The following SLC8A1 variants were observed in gnomAD, a reference collection of about 807,000 sequenced individuals.
SLC8A1 encodes the protein sodium/calcium exchanger 1.
Under a neutral mutation model 68.3 loss-of-function variants are expected in SLC8A1, and 18 were observed. The ratio of observed to expected loss-of-function variants is 0.26; its 90% CI spans 0.18 to 0.39. SLC8A1 has a LOEUF of 0.39. Ranked by LOEUF, SLC8A1 falls within the 10% of genes least tolerant of loss-of-function variation. SLC8A1 has a pLI of 1.00. For missense variants in SLC8A1, 985 were observed against 1,156.7 expected, an observed-to-expected ratio of 0.85 and a Z score of 2.15; for synonymous variants, 475 against 415.5, an observed-to-expected ratio of 1.14 and a Z score of -1.74.
At chr2:40,362,743 T>A (rs1277694060) in intron 2 of SLC8A1, among the ~76,000 whole-genome samples, 2 of 152,152 alleles carry the variant, frequency 1.3e-5, no homozygotes, top group Non-Finnish European at 1.5e-5. Context: ...TTCCTCAATT[T>A]ACATCATAGT....
intron 5 of SLC8A1, among the ~76,000 whole-genome samples, chr2:40,163,912 C>A (rs2046110656): frequency 1.3e-5 from 2 of 152,120 alleles, no homozygotes; most frequent in African/African-American, 2.4e-5. Flanking sequence ...TATGAGAAGT[C>A]CAGATAAAAT....
At chr2:40,346,623 T>G (rs1669404098) in intron 2 of SLC8A1, among the ~76,000 whole-genome samples, 1 of 152,116 alleles carries the variant, frequency 6.6e-6, no homozygotes, top group South Asian at 2.1e-4. Flanking sequence ...AAGTCTGGCC[T>G]TTCAAGTACA....
chr2:40,228,228 CATA>C (rs1281068760), intron 2 of SLC8A1, among the ~76,000 whole-genome samples: 1 of 152,170 alleles, frequency 6.6e-6, no homozygotes, highest in African/African-American at 2.4e-5. Context: ...ACATCATATA[CATA>C]ATATTTTTCC....
chr2:40,115,393 G>T (rs758237304), exon 8 of SLC8A1: 1 of 1,614,128 alleles, frequency 6.2e-7, no homozygotes, highest in Non-Finnish European at 8.5e-7. Context: ...GGCCTCCGCC[G>T]ATACAGCAGC....
intron 2 of SLC8A1, among the ~76,000 whole-genome samples, chr2:40,222,589 C>G (rs894501263): frequency 3.3e-5 from 5 of 152,036 alleles, no homozygotes; most frequent in Admixed American, 2.0e-4. Flanking sequence ...AACAGGCAAC[C>G]TAGAGAATGG....
intron 6 of SLC8A1, among the ~76,000 whole-genome samples, chr2:40,144,662 C>T (rs1429083563): frequency 1.3e-5 from 2 of 149,930 alleles, no homozygotes; most frequent in African/African-American, 4.9e-5. Flanking sequence ...TTGTTTATTT[C>T]TTTGGCAGAG....
intron 2 of SLC8A1, among the ~76,000 whole-genome samples, chr2:40,401,009 G>C (rs1016038643): frequency 2.6e-5 from 4 of 152,198 alleles, no homozygotes; most frequent in African/African-American, 9.6e-5. Flanking sequence ...TCTGTATCTT[G>C]TATTTGCATG....
chr2:40,272,378 C>T (rs1435362204), intron 2 of SLC8A1, among the ~76,000 whole-genome samples: 3 of 152,170 alleles, frequency 2.0e-5, no homozygotes, highest in Admixed American at 1.3e-4. Context: ...AAAGGTTCTA[C>T]CCACACTCCC....
rs149578637 is a variant in SLC8A1 at position 40,261,127 on chromosome 2, T to A, written c.1809-83272A>T. Among the ~76,000 whole-genome samples the A allele has an allele frequency of 6.6e-5, 10 of 152,294 alleles. No homozygotes were observed. In the East Asian group the frequency reaches 1.5e-3, roughly 24 times the overall value. ...TGAAAAATCCTGACTATGAGAATCT[T>A]CTGTAGTAGAAAGGCAGGTCATTCT... On this transcript the variant is annotated intron_variant, in intron 2 of 7. Coordinates refer to ENST00000406785, the Ensembl canonical transcript of SLC8A1.
At chr2:40,195,073 T>C (rs1334919849) in intron 2 of SLC8A1, among the ~76,000 whole-genome samples, 1 of 152,136 alleles carries the variant, frequency 6.6e-6, no homozygotes, top group Admixed American at 6.6e-5. Context: ...TCTGTCATTA[T>C]CTGTTCTCCA....
intron 2 of SLC8A1, among the ~76,000 whole-genome samples, chr2:40,225,366 T>C (rs573799750): frequency 2.6e-4 from 39 of 152,268 alleles, no homozygotes; most frequent in African/African-American, 9.1e-4. Context: ...GTATTTAAAA[T>C]AGTATTTGGC....
At chr2:40,121,695 G>T (rs1213597070) in intron 7 of SLC8A1, among the ~76,000 whole-genome samples, 3 of 152,166 alleles carry the variant, frequency 2.0e-5, no homozygotes, top group African/African-American at 7.2e-5. Flanking sequence ...GCACTTAATG[G>T]GTGTTCAGTA....
chr2:40,378,436 G>T (rs1255480162), intron 2 of SLC8A1, among the ~76,000 whole-genome samples: 1 of 152,116 alleles, frequency 6.6e-6, no homozygotes, highest in Non-Finnish European at 1.5e-5. Context: ...AAGCCCAGAT[G>T]GCTGAAGTAG....
intron 1 of SLC8A1, among the ~76,000 whole-genome samples, chr2:40,465,495 T>A (rs923854330): frequency 2.6e-5 from 4 of 152,192 alleles, no homozygotes; most frequent in Non-Finnish European, 5.9e-5. Flanking sequence ...TTTATAGCTG[T>A]TGCCTTTGGG....
chr2:40,257,670 T>G (rs1201601294), intron 2 of SLC8A1, among the ~76,000 whole-genome samples: 1 of 152,228 alleles, frequency 6.6e-6, no homozygotes, highest in South Asian at 2.1e-4. Flanking sequence ...CAAAGCAGTG[T>G]GATTACATAA....
intron 1 of SLC8A1, among the ~76,000 whole-genome samples, chr2:40,440,238 T>A (rs1039067819): frequency 1.3e-5 from 2 of 152,168 alleles, no homozygotes; most frequent in Non-Finnish European, 2.9e-5. Flanking sequence ...TTAGTAACTA[T>A]GCTGACACTG....
At chr2:40,174,988 G>T in intron 3 of SLC8A1, 146 bp from the exon 5 acceptor site, 1 of 792,462 alleles carries the variant, frequency 1.3e-6, no homozygotes, top group Non-Finnish European at 2.1e-6. Context: ...GTTCATGACT[G>T]AATCACTAAT....
chr2:40,377,481 A>G (rs1235293326), intron 2 of SLC8A1, among the ~76,000 whole-genome samples: 4 of 152,206 alleles, frequency 2.6e-5, no homozygotes, highest in East Asian at 1.9e-4. Context: ...TTTGCCATGC[A>G]CCAACAAAAA....
chr2:40,174,804 T>A (rs1222036243), intron 4 of SLC8A1, 21 bp downstream of exon 5: 4 of 1,608,036 alleles, frequency 2.5e-6, no homozygotes, highest in Middle Eastern at 1.7e-4. Context: ...TTAGATAGCA[T>A]TAGACTTGAA....
Sources: gnomAD v4.1 joint callset for allele counts (sites outside exome capture counted in the v4.1 genomes callset) on GRCh38, gnomAD v4.1.1 for gene constraint, MANE v1.5 for transcripts, NCBI Gene and HGNC (gene_info 2026-07-23, HGNC 2026-07-21) for gene names.